The following AMT variants were observed in gnomAD, a reference collection of about 807,000 sequenced individuals.
AMT encodes the protein aminomethyltransferase, mitochondrial.
In AMT, 24 loss-of-function variants were observed where a neutral mutation model predicts 39.5. That is an observed-to-expected ratio of 0.61 (90% CI 0.44 to 0.86). The LOEUF (loss-of-function observed/expected upper bound fraction) is 0.86. AMT is among the 40% of genes least tolerant of loss of function. The pLI, the probability that AMT is intolerant of heterozygous loss-of-function variation, is 0.00. For missense variants in AMT, 501 were observed against 537.0 expected, an observed-to-expected ratio of 0.93 and a Z score of 0.66; for synonymous variants, 210 against 212.1, an observed-to-expected ratio of 0.99 and a Z score of 0.09.
chr3:49,420,346 G>T lies in AMT; in HGVS notation c.340-4C>A. The T allele has an allele frequency of 6.2e-7, 1 of 1,614,096 alleles. No homozygotes were observed. Among genetic ancestry groups the T allele is most frequent in the Non-Finnish European group, 8.5e-7 (1 of 1,180,014 alleles). On this transcript the variant is annotated splice_polypyrimidine_tract_variant and splice_region_variant and intron_variant, in intron 3 of 8. Transcript: ENST00000273588. The stretch of plus-strand genomic sequence containing the variant: ...TGGTAAACAGCGACAGTGTCCCCTA[G>T]GACCAAAGTGGAGCGTTTTGGCTTC...
At chr3:49,420,392 C>T (rs2049079893) in intron 3 of AMT, 50 bp from the exon 4 acceptor site, 1 of 1,613,062 alleles carries the variant, frequency 6.2e-7, no homozygotes, top group African/African-American at 1.3e-5. Context: ...AGGGCAAGGC[C>T]AAGGGTGAGC....
At position 49,422,454 on chromosome 3, in the gene AMT, C is replaced by G. The variant is rs1559530945; in HGVS notation, c.-4G>C. 4.3e-6 allele frequency: 7 copies of G among 1,612,652 alleles called. No individual in the cohort carries two copies. The highest frequency in any genetic ancestry group is 5.9e-6 in the Non-Finnish European group (7 of 1,179,722). On this transcript the variant is annotated 5_prime_UTR_variant, in exon 1 of 9. Coordinates refer to ENST00000273588, the MANE Select transcript of AMT (RefSeq NM_000481.4). ...CCACACTTACAGCCCTCTGCATCGT[C>G]GCCTGCAACGAGTGCAGACGGCGCA...
intron 7 of AMT, 149 bp downstream of exon 7, chr3:49,418,822 A>T (rs2049046967): frequency 1.2e-6 from 1 of 859,300 alleles, no homozygotes; most frequent in Admixed American, 2.1e-5. Flanking sequence ...GCAGTTTCTA[A>T]TGGGCAAAGG....
intron 3 of AMT, chr3:49,421,223 A>G: frequency 2.1e-6 from 1 of 481,374 alleles, no homozygotes; most frequent in Non-Finnish European, 3.8e-6. Context: ...CACATGTTGA[A>G]TAGAGAGGGG....
rs371656220 is a variant in AMT, at chr3:49,422,381, G to A, written c.70C>T (p.Arg24Cys). 1.1e-5 allele frequency: 18 copies of A among 1,608,224 alleles called. No homozygotes were observed. The highest frequency in any genetic ancestry group is 4.5e-5 in the East Asian group (2 of 44,434). ...CCCACCTGTGCGCAACTAAGTGGAC[G>A]ACACAAGGCCGGGGGGAATGCCTGC... ...RLQAFPPALC[R>C]PLSCAQEVLR... Residue 24 changes from arginine (R) to cysteine (C), a missense_variant, in exon 1 of 9, where the codon CGT becomes TGT. Physicochemically the swap from Arg to Cys is radical, Grantham distance 180 (BLOSUM62 -3). Coordinates refer to ENST00000273588, the MANE Select transcript of AMT (RefSeq NM_000481.4).
rs1559527573 is a variant in AMT at position 49,417,706 on chromosome 3, C to T, written c.1046G>A (p.Ser349Asn). Residue 349 changes from serine (S) to asparagine (N), a missense_variant, in exon 9 of 9, where the codon AGT (serine) becomes AAT (asparagine). Transcript: ENST00000273588. Reference sequence around the variant, plus strand: ...CTTCAGAGAGGGGGAGGGGCAGCCACTAGTCACAGTACCTGTCAAGCAAGC... The same window carrying T: ...CTTCAGAGAGGGGGAGGGGCAGCCATTAGTCACAGTACCTGTCAAGCAAGC... ...MEGTKIGTVT[S>N]GCPSPSLKKN... 1 of 1,614,026 alleles carries T rather than the reference C, an allele frequency of 6.2e-7. No individual in the cohort carries two copies.
At position 49,420,354 on chromosome 3, in the gene AMT, G is replaced by GTGGAGCGT; in HGVS notation, c.340-20_340-13dup. ...AGCGACAGTGTCCCCTAGGACCAAA[G>GTGGAGCGT]TGGAGCGTTTTGGCTTCCAGGTCCA... On this transcript the variant is annotated splice_polypyrimidine_tract_variant and intron_variant, in intron 3 of 8. Coordinates refer to ENST00000273588, the MANE Select transcript of AMT (RefSeq NM_000481.4). 6.2e-7 allele frequency: 1 copy of GTGGAGCGT among 1,614,080 alleles called. No individual in the cohort carries two copies. The highest frequency in any genetic ancestry group is 8.5e-7 in the Non-Finnish European group (1 of 1,180,008).
In AMT at chr3:49,420,205, G is replaced by GTA; in HGVS notation, c.471+4_471+5dup. On this transcript the variant is annotated splice_donor_region_variant and intron_variant, in intron 4 of 8. Transcript: ENST00000273588. ...ACAAGGTGTCTAGAACACAGAGGGG[G>GTA]TATACCTGCATGAGGGCCAAATCTT... 6.2e-7 allele frequency: 1 copy of GTA among 1,614,170 alleles called. No homozygotes were observed. The highest frequency in any genetic ancestry group is 8.5e-7 in the Non-Finnish European group (1 of 1,180,004).
intron 1 of AMT, 35 bp downstream of exon 1, chr3:49,422,326 C>T (rs748898213): frequency 6.2e-7 from 1 of 1,609,364 alleles, no homozygotes; most frequent in Non-Finnish European, 8.5e-7. Context: ...CCGCTTCCCT[C>T]CCCCACCCTC....
In AMT at chr3:49,417,455, C is replaced by G; in HGVS notation, c.*85G>C. ...ATCAGCCTCCACCTTAACTGCCCAC[C>G]CCCAGTGAGTTCTGCCTCAGCTTCT... On this transcript the variant is annotated 3_prime_UTR_variant, in exon 9 of 9. Coordinates refer to ENST00000273588, the MANE Select transcript of AMT (RefSeq NM_000481.4). The G allele has an allele frequency of 6.2e-7, 1 of 1,613,758 alleles. No individual in the cohort carries two copies. Among genetic ancestry groups the G allele is most frequent in the South Asian group, 1.1e-5 (1 of 91,078 alleles).
At chr3:49,420,492 A>G in intron 3 of AMT, 150 bp from the exon 4 acceptor site, 2 of 1,168,306 alleles carry the variant, frequency 1.7e-6, no homozygotes, top group Non-Finnish European at 2.5e-6. Context: ...GTCTGGGCCC[A>G]AGTCCAAGGT....
At position 49,422,121 on chromosome 3, in the gene AMT, C is replaced by T. The variant is rs1285568938; in HGVS notation, c.241G>A (p.Val81Met). ...TGGCTCACCTGCAGCATATGAGACACGTCAAAGAGCGAGCAGTGCTGGCGT... is the reference window on the plus strand; with the variant it reads ...TGGCTCACCTGCAGCATATGAGACATGTCAAAGAGCGAGCAGTGCTGGCGT... ...HTRQHCSLFD[V>M]SHMLQTKILG... The change falls in exon 2 of 9, where the codon GTG (valine) becomes ATG (methionine). Residue 81 changes from valine to methionine, a missense_variant. Coordinates refer to ENST00000273588, the MANE Select transcript of AMT (RefSeq NM_000481.4). 22 of 1,613,622 alleles carry T rather than the reference C, an allele frequency of 1.4e-5. No individual in the cohort carries two copies. Among genetic ancestry groups the T allele is most frequent in the African/African-American group, 1.3e-5 (1 of 74,948 alleles).
chr3:49,421,350 A>T, intron 3 of AMT, 142 bp downstream of exon 3: 1 of 716,840 alleles, frequency 1.4e-6, no homozygotes. Context: ...TCTGGAAATG[A>T]CTCAGGGATT....
Position 49,420,318 on chromosome 3 carries a change from CGTT to C in AMT, c.361_363del (p.Asn121del). 1.2e-6 allele frequency: 2 copies of C among 1,614,170 alleles called. No homozygotes were observed. The highest frequency in any genetic ancestry group is 1.7e-6 in the Non-Finnish European group (2 of 1,180,028). ...AAGTCATCTAAGATGCCTCCAGCCTCGTTGGTAAACAGCGACAGTGTCCCCTAG... is the reference window on the plus strand; with the variant it reads ...AAGTCATCTAAGATGCCTCCAGCCTCGGTAAACAGCGACAGTGTCCCCTAG... On this transcript the variant is annotated inframe_deletion, in exon 4 of 9. Coordinates refer to ENST00000273588, the MANE Select transcript of AMT (RefSeq NM_000481.4).
rs541011963 is a variant in AMT at position 49,417,860 on chromosome 3, G to T, written c.991C>A (p.Arg331=). 2 of 1,613,976 alleles carry T rather than the reference G, an allele frequency of 1.2e-6. No homozygotes were observed. The highest frequency in any genetic ancestry group is 2.2e-5 in the South Asian group (2 of 91,080). Residue 331 remains arginine (R), a synonymous_variant, in exon 8 of 9, where the codon CGG becomes AGG. Transcript: ENST00000273588. ...ATGTTCAGGATGGGACTGTGTGCCCGCATGGGGGCCCCCTCACACATCAAC... is the reference window on the plus strand; with the variant it reads ...ATGTTCAGGATGGGACTGTGTGCCCTCATGGGGGCCCCCTCACACATCAAC... ...VGLMCEGAPM[R]AHSPILNMEG...
At position 49,419,062 on chromosome 3, in the gene AMT, G is replaced by T; in HGVS notation, c.786C>A (p.Asp262Glu). 6.2e-7 allele frequency: 1 copy of T among 1,614,022 alleles called. No individual in the cohort carries two copies. The highest frequency in any genetic ancestry group is 8.5e-7 in the Non-Finnish European group (1 of 1,179,986). The change falls in exon 7 of 9, where the codon GAC (aspartate) becomes GAA (glutamate). Residue 262 changes from aspartate (D) to glutamate (E), a missense_variant. Asp to Glu is a conservative substitution (Grantham distance 45). Coordinates refer to ENST00000273588, the MANE Select transcript of AMT (RefSeq NM_000481.4). Reference protein sequence around the residue: ...EVKLAGLAARDSLRLEAGLCL... With the variant: ...EVKLAGLAARESLRLEAGLCL... ...AGAGGCCTGCCTCCAGGCGCAGGCT[G>T]TCCCTGGCTGCCAGCCCTGCCAGCT... is the stretch of plus-strand genomic sequence containing the variant.
chr3:49,418,851 G>A (rs978508515), intron 7 of AMT, 120 bp downstream of exon 7: 1 of 1,109,310 alleles, frequency 9.0e-7, no homozygotes, highest in Non-Finnish European at 1.4e-6. Flanking sequence ...CACCTTCAGG[G>A]AAGGGAGGCT....
chr3:49,422,187 C>G lies in AMT; in HGVS notation c.175G>C (p.Val59Leu), dbSNP rs201643709. Residue 59 changes from valine to leucine, a missense_variant, in exon 2 of 9, where the codon GTG becomes CTG. Coordinates refer to ENST00000273588, the MANE Select transcript of AMT (RefSeq NM_000481.4). ...MVAFAGWSLP[V>L]QYRDSHTDSH... ...TCAGTGTGACTGTCCCGGTACTGCACTGGCAGACTCCAACCCGCAAACGCC... is the reference window on the plus strand; with the variant it reads ...TCAGTGTGACTGTCCCGGTACTGCAGTGGCAGACTCCAACCCGCAAACGCC... 6.2e-6 allele frequency: 10 copies of G among 1,614,022 alleles called. No individual in the cohort carries two copies. Among genetic ancestry groups the G allele is most frequent in the Non-Finnish European group, 8.5e-6 (10 of 1,180,044 alleles).
At chr3:49,422,063 G>T (rs1193282878) in intron 2 of AMT, 41 bp downstream of exon 2, 3 of 1,612,452 alleles carry the variant, frequency 1.9e-6, no homozygotes, top group Non-Finnish European at 2.5e-6. Flanking sequence ...TAAACAGGGA[G>T]GAAGGCCTGA....
Sources: gnomAD v4.1 joint callset for allele counts on GRCh38, gnomAD v4.1.1 for gene constraint, MANE v1.5 for transcripts, NCBI Gene and HGNC (gene_info 2026-07-23, HGNC 2026-07-21) for gene names.